CTDSPL2: variants seen among roughly 807,000 people sequenced by gnomAD.
CTDSPL2 encodes CTD small phosphatase like 2, also known as CTD small phosphatase-like protein 2.
A neutral mutation model predicts 60.0 loss-of-function variants in CTDSPL2; 5 were observed. That is an observed-to-expected ratio of 0.08 (90% CI 0.04 to 0.18). CTDSPL2 has a LOEUF of 0.18. CTDSPL2 is among the 10% of genes least tolerant of loss of function. The probability of loss-of-function intolerance (pLI) is 1.00; values close to 1 mark genes in which losing one functional copy is unlikely to be tolerated. For missense variants in CTDSPL2, 370 were observed against 548.8 expected, an observed-to-expected ratio of 0.67 and a Z score of 3.26; for synonymous variants, 186 against 189.3, an observed-to-expected ratio of 0.98 and a Z score of 0.14.
At chr15:44,453,845 T>C (rs2080380837) in intron 1 of CTDSPL2, among the ~76,000 whole-genome samples, 1 of 152,072 alleles carries the variant, frequency 6.6e-6, no homozygotes, top group African/African-American at 2.4e-5. Context: ...TTTGGGTTGG[T>C]TCCAAGTCTT....
At chr15:44,514,305 T>C (rs1039988439) in intron 8 of CTDSPL2, among the ~76,000 whole-genome samples, 1 of 152,196 alleles carries the variant, frequency 6.6e-6, no homozygotes, top group Admixed American at 6.5e-5. Flanking sequence ...AGGGAAACTT[T>C]CCATTTTTAG....
At chr15:44,519,399 G>C (rs2081717741) in intron 11 of CTDSPL2, 104 bp downstream of exon 11, 1 of 1,009,786 alleles carries the variant, frequency 9.9e-7, no homozygotes, top group East Asian at 2.9e-5. Flanking sequence ...ATTTTCACTG[G>C]TGGAATTTCC....
chr15:44,460,418 C>T (rs2080543456), intron 2 of CTDSPL2, among the ~76,000 whole-genome samples: 1 of 152,094 alleles, frequency 6.6e-6, no homozygotes, highest in East Asian at 1.9e-4. Flanking sequence ...TCAGTTTGAT[C>T]ACCTTTAATG....
intron 1 of CTDSPL2, among the ~76,000 whole-genome samples, chr15:44,456,153 A>G (rs1022554465): frequency 3.9e-5 from 6 of 152,146 alleles, no homozygotes; most frequent in Admixed American, 3.9e-4. Context: ...CCCGGCCTTT[A>G]TTGAGGATTT....
intron 3 of CTDSPL2, among the ~76,000 whole-genome samples, chr15:44,485,134 G>T (rs1212387298): frequency 6.6e-6 from 1 of 152,146 alleles, no homozygotes; most frequent in Non-Finnish European, 1.5e-5. Flanking sequence ...ACTTGTGGAG[G>T]GGTGGCTACT....
chr15:44,458,471 C>G (rs1265311292), intron 1 of CTDSPL2, among the ~76,000 whole-genome samples: 1 of 152,128 alleles, frequency 6.6e-6, no homozygotes, highest in Admixed American at 6.5e-5. Context: ...TGTTGTTACA[C>G]TTATATGGTT....
intron 12 of CTDSPL2, among the ~76,000 whole-genome samples, 177 bp from the exon 13 acceptor site, chr15:44,523,932 G>A (rs1486191961): frequency 6.6e-6 from 1 of 152,086 alleles, no homozygotes; most frequent in Non-Finnish European, 1.5e-5. Flanking sequence ...AATCTTCAAC[G>A]AAATTCTTTT....
chr15:44,453,946 T>A (rs774324719), intron 1 of CTDSPL2, among the ~76,000 whole-genome samples: 1 of 152,208 alleles, frequency 6.6e-6, no homozygotes, highest in Non-Finnish European at 1.5e-5. Context: ...TACCCAGTAA[T>A]GGGATAGCTG....
intron 7 of CTDSPL2, 41 bp from the exon 8 acceptor site, chr15:44,499,686 T>G: frequency 8.5e-7 from 1 of 1,179,890 alleles, no homozygotes; most frequent in East Asian, 2.4e-5. Context: ...GAAGTTTCTT[T>G]TACTATCTTG....
At chr15:44,484,170 C>T (rs952055034) in intron 2 of CTDSPL2, 54 bp from the exon 3 acceptor site, 9 of 1,477,750 alleles carry the variant, frequency 6.1e-6, no homozygotes, top group Non-Finnish European at 7.4e-6. Flanking sequence ...ATATTGTAAC[C>T]TGTAAGGCAG....
At chr15:44,508,402 C>T (rs370808351) in intron 8 of CTDSPL2, among the ~76,000 whole-genome samples, 2 of 152,092 alleles carry the variant, frequency 1.3e-5, no homozygotes, top group Non-Finnish European at 2.9e-5. Context: ...GGCTGCATCT[C>T]ATTCTTTATG....
intron 1 of CTDSPL2, among the ~76,000 whole-genome samples, chr15:44,442,959 A>G (rs1485838525): frequency 6.6e-6 from 1 of 152,002 alleles, no homozygotes; most frequent in Non-Finnish European, 1.5e-5. Context: ...CCTGGGTGAC[A>G]GGGTGAGACC....
chr15:44,463,454 A>G (rs2080617622), intron 2 of CTDSPL2, among the ~76,000 whole-genome samples: 1 of 152,142 alleles, frequency 6.6e-6, no homozygotes, highest in Non-Finnish European at 1.5e-5. Flanking sequence ...CTTATTTATT[A>G]ATTAACATTT....
At chr15:44,470,772 A>G (rs1003286414) in intron 2 of CTDSPL2, among the ~76,000 whole-genome samples, 2 of 152,092 alleles carry the variant, frequency 1.3e-5, no homozygotes, top group African/African-American at 4.8e-5. Context: ...TTGTCTATTT[A>G]TATTTAATGT....
chr15:44,461,778 A>G (rs2080577131), intron 2 of CTDSPL2, among the ~76,000 whole-genome samples: 1 of 152,070 alleles, frequency 6.6e-6, no homozygotes, highest in Non-Finnish European at 1.5e-5. Context: ...GGAAGAGAAA[A>G]TATGTTTACT....
rs2081906151 is a variant in CTDSPL2 at position 44,528,800 on chromosome 15, TC to T, written c.*4627del. The T allele has an allele frequency of 6.6e-6, 1 of 152,206 alleles. No homozygotes were observed. The highest frequency in any genetic ancestry group is 2.4e-5 in the African/African-American group (1 of 41,456). The allele number at this position is 152,206 out of a possible 1,614,324, so 9.4% of individuals were successfully genotyped here. On this transcript the variant is annotated 3_prime_UTR_variant, in exon 13 of 13. Transcript: ENST00000260327. ...CTTTCATCTTTTGAAATGGGATTTTTCAAGGCAGTGTCCTTTTGGCATTAAG... is the reference window on the plus strand; with the variant it reads ...CTTTCATCTTTTGAAATGGGATTTTTAAGGCAGTGTCCTTTTGGCATTAAG...
At chr15:44,442,498 G>A (rs762848118) in intron 1 of CTDSPL2, among the ~76,000 whole-genome samples, 6 of 151,582 alleles carry the variant, frequency 4.0e-5, no homozygotes, top group African/African-American at 9.7e-5. Context: ...TTAAGATGAA[G>A]TATTTTAGCA....
Position 44,447,611 on chromosome 15 carries a change from C to T in CTDSPL2, c.-24-11380C>T, listed in dbSNP as rs148214266. The T allele has an allele frequency of 3.8e-3, 591 of 153,812 alleles. 3 individuals are homozygous for T. The highest frequency in any genetic ancestry group is 5.6e-3 in the Non-Finnish European group (384 of 68,512). The allele number at this position is 153,812 out of a possible 1,614,324, so 9.5% of individuals were successfully genotyped here. A position where few individuals can be genotyped will look rare whatever the true frequency, so the allele number is the denominator to read the frequency against. On this transcript the variant is annotated intron_variant, in intron 1 of 12. Coordinates refer to ENST00000260327, the MANE Select transcript of CTDSPL2 (RefSeq NM_016396.3). ...TTTGCCCATCAATCTCTTGGCCACTCGGCTTCGTGCCAGTCATCATCTGAC... is the reference window on the plus strand; with the variant it reads ...TTTGCCCATCAATCTCTTGGCCACTTGGCTTCGTGCCAGTCATCATCTGAC...
intron 8 of CTDSPL2, among the ~76,000 whole-genome samples, chr15:44,504,602 G>C (rs996875328): frequency 3.3e-5 from 5 of 152,114 alleles, no homozygotes; most frequent in Admixed American, 3.3e-4. Context: ...GGCCGGGGCA[G>C]TGGCTTGCTT....
Sources: allele counts gnomAD v4.1 joint callset (sites outside exome capture counted in the v4.1 genomes callset), GRCh38; gene constraint gnomAD v4.1.1; transcripts MANE v1.5; gene names NCBI Gene and HGNC (gene_info 2026-07-23, HGNC 2026-07-21).